The following MTPN variants were observed in gnomAD, a reference collection of about 807,000 sequenced individuals.
MTPN encodes granule cell differentiation protein.
Under a neutral mutation model 13.5 loss-of-function variants are expected in MTPN, and 2 were observed. The observed-to-expected ratio is 0.15, with a 90% CI of 0.06 to 0.47. MTPN has a LOEUF of 0.47. MTPN is among the 20% of genes least tolerant of loss of function. MTPN has a pLI of 0.97. For synonymous variants in MTPN, 46 were observed against 51.7 expected, an observed-to-expected ratio of 0.89 and a Z score of 0.48; for missense variants, 79 against 137.9, an observed-to-expected ratio of 0.57 and a Z score of 2.14.
intron 1 of MTPN, among the ~76,000 whole-genome samples, chr7:135,954,188 A>G (rs1337022738): frequency 1.3e-5 from 2 of 152,206 alleles, no homozygotes; most frequent in Admixed American, 1.3e-4. Context: ...AGTGTTTAGC[A>G]TAGTGCCTGA....
At chr7:135,958,381 A>G (rs1000436545) in intron 1 of MTPN, among the ~76,000 whole-genome samples, 3 of 152,192 alleles carry the variant, frequency 2.0e-5, no homozygotes, top group Admixed American at 1.3e-4. Flanking sequence ...GTTGCCTACC[A>G]AACAGCTACT....
At chr7:135,939,631 T>G (rs999392293) in intron 3 of MTPN, among the ~76,000 whole-genome samples, 21 of 117,948 alleles carry the variant, frequency 1.8e-4, no homozygotes, top group African/African-American at 6.6e-4. Context: ...ATCAACAACA[T>G]ACACAGCGGA....
chr7:135,975,344 G>A (rs1799758309), intron 1 of MTPN, among the ~76,000 whole-genome samples: 1 of 152,222 alleles, frequency 6.6e-6, no homozygotes. Flanking sequence ...CTTAGACTGA[G>A]AGATAGTGCG....
intron 1 of MTPN, among the ~76,000 whole-genome samples, chr7:135,963,583 A>G (rs1317834284): frequency 1.3e-5 from 2 of 152,084 alleles, no homozygotes; most frequent in South Asian, 2.1e-4. Flanking sequence ...GGACGAAAGT[A>G]TAACATCAAC....
chr7:135,933,489 C>G (rs927506325), intron 3 of MTPN, among the ~76,000 whole-genome samples: 1 of 152,130 alleles, frequency 6.6e-6, no homozygotes, highest in Non-Finnish European at 1.5e-5. Context: ...AATTTGCCAG[C>G]TTTTCTATTT....
At position 135,950,632 on chromosome 7, in the gene MTPN, A is replaced by T; in HGVS notation, c.237T>A (p.Gly79=). 6.2e-7 allele frequency: 1 copy of T among 1,613,348 alleles called. No homozygotes were observed. The highest frequency in any genetic ancestry group is 1.3e-5 in the African/African-American group (1 of 74,996). ...ITPLLSAVYE[G]HVSCVKLLLS... ...GAAGCAATTTCACACAGGAAACATG[A>T]CCCTCATAGACAGCAGACAGAAGAG... Residue 79 remains glycine, a synonymous_variant, in exon 3 of 4, where the codon GGT becomes GGA. Transcript: ENST00000393085.
In MTPN at chr7:135,929,931, G is replaced by GGA. The variant is rs748407189; in HGVS notation, c.350_351dup (p.Gln118SerfsTer8). The GGA allele has an allele frequency of 1.9e-6, 3 of 1,613,924 alleles. No individual in the cohort carries two copies. In the East Asian group the frequency reaches 6.7e-5, roughly 36 times the overall value. On this transcript the variant is annotated frameshift_variant, in exon 4 of 4. Transcript: ENST00000393085. LOFTEE classifies it high-confidence loss of function. ...GTTATCAGTCCATCCATCCATCACT[G>GGA]GAGAAGAGCTTTGATTGCCTGGTTG... is the stretch of plus-strand genomic sequence containing the variant.
chr7:135,976,379 G>T (rs551518664), intron 1 of MTPN, among the ~76,000 whole-genome samples: 1 of 152,256 alleles, frequency 6.6e-6, no homozygotes, highest in African/African-American at 2.4e-5. Context: ...AAACTATTCA[G>T]ATACCTTAAA....
At chr7:135,961,156 C>A (rs1177351629) in intron 1 of MTPN, among the ~76,000 whole-genome samples, 1 of 151,848 alleles carries the variant, frequency 6.6e-6, no homozygotes, top group Non-Finnish European at 1.5e-5. Flanking sequence ...TAAACTAGTA[C>A]AAATGTTTAA....
intron 3 of MTPN, among the ~76,000 whole-genome samples, chr7:135,947,057 C>A (rs1562931576): frequency 6.6e-6 from 1 of 152,126 alleles, no homozygotes; most frequent in Non-Finnish European, 1.5e-5. Context: ...AAGCTTTGAT[C>A]ATCTCATATT....
chr7:135,964,520 T>C (rs1799575685), intron 1 of MTPN, among the ~76,000 whole-genome samples: 1 of 152,110 alleles, frequency 6.6e-6, no homozygotes, highest in Admixed American at 6.6e-5. Flanking sequence ...GATGATCTCA[T>C]GCAGCTGAAA....
intron 2 of MTPN, 119 bp from the exon 3 acceptor site, chr7:135,950,801 A>T (rs374548023): frequency 1.3e-6 from 1 of 770,662 alleles, no homozygotes; most frequent in Non-Finnish European, 2.2e-6. Flanking sequence ...TCAATCAATC[A>T]ATCAATCCAC....
At chr7:135,971,143 C>T (rs1799687636) in intron 1 of MTPN, among the ~76,000 whole-genome samples, 1 of 152,048 alleles carries the variant, frequency 6.6e-6, no homozygotes, top group Non-Finnish European at 1.5e-5. Flanking sequence ...TGTTGCTTTT[C>T]AAACCTATTA....
At chr7:135,933,098 C>CAAAAAAAAAAAAAA in intron 3 of MTPN, among the ~76,000 whole-genome samples, 1 of 63,066 alleles carries the variant, frequency 1.6e-5, no homozygotes, top group Non-Finnish European at 3.0e-5. Context: ...CACTCAGCCT[C>CAAAAAAAAAAAAAA]AAAAAAAAAA....
chr7:135,948,185 G>C (rs1799312742), intron 3 of MTPN, among the ~76,000 whole-genome samples: 1 of 152,052 alleles, frequency 6.6e-6, no homozygotes, highest in African/African-American at 2.4e-5. Flanking sequence ...TTTTGAAAGA[G>C]TATAATCAAT....
intron 3 of MTPN, among the ~76,000 whole-genome samples, chr7:135,933,703 A>G (rs1297244914): frequency 6.6e-6 from 1 of 152,232 alleles, no homozygotes; most frequent in African/African-American, 2.4e-5. Context: ...TCAGAAGGTA[A>G]CACTTACAGT....
chr7:135,970,541 T>C (rs1799678414), intron 1 of MTPN, among the ~76,000 whole-genome samples: 1 of 152,188 alleles, frequency 6.6e-6, no homozygotes, highest in African/African-American at 2.4e-5. Flanking sequence ...AAATAGTCAA[T>C]GGGATATTTT....
chr7:135,940,412 C>A (rs1463856698), intron 3 of MTPN, among the ~76,000 whole-genome samples: 1 of 152,158 alleles, frequency 6.6e-6, no homozygotes, highest in Non-Finnish European at 1.5e-5. Context: ...AAGACAATTT[C>A]TGGTCTTTAC....
rs1016854601 is a variant in MTPN at position 135,929,986 on chromosome 7, T to C, written c.297A>G (p.Pro99=). ...TGGCTTCAAAGGCGGTCAGTCCATC[T>C]GGGCCTTTCACAGTCTTATCAGCAC... The part of the protein sequence containing the change: ...SKGADKTVKG[P]DGLTAFEATD... Residue 99 remains proline (P), a synonymous_variant, in exon 4 of 4, where the codon CCA becomes CCG. Coordinates refer to ENST00000393085, the MANE Select transcript of MTPN (RefSeq NM_145808.4). 6 of 1,606,134 alleles carry C rather than the reference T, an allele frequency of 3.7e-6. No homozygotes were observed. The highest frequency in any genetic ancestry group is 5.1e-6 in the Non-Finnish European group (6 of 1,175,536).
Sources: allele counts gnomAD v4.1 joint callset (sites outside exome capture counted in the v4.1 genomes callset), GRCh38; gene constraint gnomAD v4.1.1; transcripts MANE v1.5; gene names NCBI Gene and HGNC (gene_info 2026-07-23, HGNC 2026-07-21).